SAMMSON: variants seen among roughly 807,000 people sequenced by gnomAD.
SAMMSON encodes long intergenic non-protein coding RNA 1212.
At chr3:70,218,353 A>C (rs1041823318) in intron 4 of SAMMSON, among the ~76,000 whole-genome samples, 1 of 152,152 alleles carries the variant, frequency 6.6e-6, no homozygotes. Context: ...GCATATAGGC[A>C]TGCATTAGGT....
intron 2 of SAMMSON, among the ~76,000 whole-genome samples, chr3:70,425,876 C>T (rs1018633171): frequency 6.6e-6 from 1 of 152,172 alleles, no homozygotes; most frequent in Non-Finnish European, 1.5e-5. Flanking sequence ...TAGTAATTCT[C>T]TTGGGGCCAC....
At chr3:70,031,038 C>A (rs2067063643) in intron 3 of SAMMSON, among the ~76,000 whole-genome samples, 1 of 152,104 alleles carries the variant, frequency 6.6e-6, no homozygotes, top group Non-Finnish European at 1.5e-5. Context: ...CAATTCCACT[C>A]CTAGGTACAT....
chr3:70,052,663 T>G (rs1381645427), intron 3 of SAMMSON, among the ~76,000 whole-genome samples: 3 of 152,098 alleles, frequency 2.0e-5, no homozygotes, highest in Non-Finnish European at 2.9e-5. Flanking sequence ...TCAAGGTTTC[T>G]CAGTCTTGGC....
chr3:70,059,057 ATCTGGTCTCT>A (rs2067178130), intron 3 of SAMMSON, among the ~76,000 whole-genome samples: 1 of 152,086 alleles, frequency 6.6e-6, no homozygotes. Flanking sequence ...CCTGGGCTAT[ATCTGGTCTCT>A]ATTTTTTCTA....
chr3:70,039,101 G>A (rs2067096822), intron 3 of SAMMSON, among the ~76,000 whole-genome samples: 3 of 152,212 alleles, frequency 2.0e-5, no homozygotes, highest in South Asian at 4.1e-4. Context: ...AAAAAGTGAA[G>A]CCTAGCCTCA....
chr3:70,158,940 C>G (rs927111273), intron 4 of SAMMSON, among the ~76,000 whole-genome samples: 1 of 151,960 alleles, frequency 6.6e-6, no homozygotes, highest in Non-Finnish European at 1.5e-5. Flanking sequence ...AAAATTTCCT[C>G]TATATATTTG....
intron 6 of SAMMSON, among the ~76,000 whole-genome samples, chr3:70,259,434 A>T (rs1287996455): frequency 6.6e-6 from 1 of 152,016 alleles, no homozygotes; most frequent in Non-Finnish European, 1.5e-5. Flanking sequence ...AAAAAGAAAG[A>T]AAGTAAGCAC....
At chr3:70,011,709 A>C (rs2066956704) in intron 1 of SAMMSON, among the ~76,000 whole-genome samples, 2 of 152,022 alleles carry the variant, frequency 1.3e-5, no homozygotes, top group African/African-American at 4.8e-5. Context: ...CAAAGAAAAC[A>C]AAGATTGGCA....
intron 9 of SAMMSON, among the ~76,000 whole-genome samples, chr3:70,380,390 A>T (rs1042906831): frequency 7.9e-5 from 12 of 152,152 alleles, no homozygotes; most frequent in Non-Finnish European, 1.6e-4. Flanking sequence ...TTGAATTGGA[A>T]ATATCAAAAT....
intron 9 of SAMMSON, among the ~76,000 whole-genome samples, chr3:70,383,372 C>T (rs1249285930): frequency 6.6e-6 from 1 of 150,866 alleles, no homozygotes. Context: ...ACCTTATGGT[C>T]CTCCTTTTAG....
At chr3:70,290,308 A>G (rs1702221961) in intron 6 of SAMMSON, among the ~76,000 whole-genome samples, 1 of 151,580 alleles carries the variant, frequency 6.6e-6, no homozygotes, top group East Asian at 1.9e-4. Context: ...GGTCTGTTGG[A>G]GTACCCTGCA....
At chr3:70,154,707 T>A (rs549421181) in intron 4 of SAMMSON, among the ~76,000 whole-genome samples, 82 of 152,222 alleles carry the variant, frequency 5.4e-4, no homozygotes, top group Non-Finnish European at 7.4e-4. Flanking sequence ...GAGGAAACCA[T>A]GAAAGTTTAG....
At chr3:70,316,887 TA>T (rs1445328825) in intron 7 of SAMMSON, among the ~76,000 whole-genome samples, 3 of 152,064 alleles carry the variant, frequency 2.0e-5, no homozygotes, top group Non-Finnish European at 2.9e-5. Context: ...AAAGGGTGCT[TA>T]TCTTGACCAA....
chr3:70,017,381 C>G (rs1272895608), intron 3 of SAMMSON, among the ~76,000 whole-genome samples: 1 of 151,720 alleles, frequency 6.6e-6, no homozygotes, highest in Non-Finnish European at 1.5e-5. Flanking sequence ...TGATTTGGCT[C>G]TCTGTCTGTT....
intron 1 of SAMMSON, among the ~76,000 whole-genome samples, chr3:70,010,566 C>T (rs958991897): frequency 2.7e-4 from 41 of 152,074 alleles, no homozygotes; most frequent in African/African-American, 8.5e-4. Context: ...CTTAGGGTTC[C>T]TGTTAAAACC....
intron 4 of SAMMSON, among the ~76,000 whole-genome samples, chr3:70,225,425 C>CT (rs527486892): frequency 2.6e-5 from 4 of 152,254 alleles, no homozygotes; most frequent in Middle Eastern, 3.4e-3. Context: ...TCACATTGAT[C>CT]TTTTTTTATA....
At chr3:70,316,021 C>G (rs1045237178) in intron 7 of SAMMSON, among the ~76,000 whole-genome samples, 4 of 152,112 alleles carry the variant, frequency 2.6e-5, no homozygotes, top group Non-Finnish European at 5.9e-5. Context: ...ATGGAAATAA[C>G]TGCAAATGTA....
At chr3:70,110,272 T>C (rs1237338335) in intron 4 of SAMMSON, among the ~76,000 whole-genome samples, 1 of 152,212 alleles carries the variant, frequency 6.6e-6, no homozygotes. Flanking sequence ...GTTTGGCACA[T>C]TGTCAGTGCT....
chr3:70,397,684 A>T (rs114727835), intron 2 of SAMMSON, among the ~76,000 whole-genome samples: 1 of 152,206 alleles, frequency 6.6e-6, no homozygotes, highest in East Asian at 1.9e-4. Flanking sequence ...TTAGAAAAAA[A>T]TCCTAAAAGT....
Sources: gnomAD v4.1 joint callset for allele counts (sites outside exome capture counted in the v4.1 genomes callset) on GRCh38, gnomAD v4.1.1 for gene constraint, MANE v1.5 for transcripts, NCBI Gene and HGNC (gene_info 2026-07-23, HGNC 2026-07-21) for gene names.